PCDH1: variants seen among roughly 807,000 people sequenced by gnomAD.
PCDH1 encodes protocadherin-1.
A neutral mutation model predicts 74.6 loss-of-function variants in PCDH1; 23 were observed. The ratio of observed to expected loss-of-function variants is 0.31; its 90% CI spans 0.22 to 0.44. The LOEUF is 0.44. PCDH1 is among the 20% of genes least tolerant of loss of function. The pLI, the probability that PCDH1 is intolerant of heterozygous loss-of-function variation, is 1.00. For missense variants in PCDH1, 1,214 were observed against 1,641.4 expected (o/e 0.74, Z 4.50); for synonymous variants, 647 against 686.1 (o/e 0.94, Z 0.89).
chr5:141,858,383 G>A (rs1350896996), intron 3 of PCDH1, among the ~76,000 whole-genome samples: 2 of 152,220 alleles, frequency 1.3e-5, no homozygotes, highest in Non-Finnish European at 2.9e-5. Context: ...CTGGACATGG[G>A]GAGAGGGCAT....
chr5:141,869,391 C>T lies in PCDH1; in HGVS notation c.81G>A (p.Arg27=), dbSNP rs774571014. ...GTTGCCCCCCAGGGCCTGGGCTGTG[C>T]CTCAGGTGCTCCATCCTGGGAGGCC... The part of the protein sequence containing the change: ...ILGPPRMEHL[R]HSPGPGGQRL... Residue 27 remains arginine, a synonymous_variant, in exon 2 of 5, where the codon AGG becomes AGA. Coordinates refer to ENST00000287008, the MANE Select transcript of PCDH1 (RefSeq NM_032420.5). The surrounding 1 kb of genome is among the most constrained non-coding windows in gnomAD (Gnocchi z 4.9). 2 of 1,598,084 alleles carry T rather than the reference C, an allele frequency of 1.3e-6. No individual in the cohort carries two copies. Among genetic ancestry groups the T allele is most frequent in the East Asian group, 2.2e-5 (1 of 44,652 alleles).
chr5:141,857,091 G>A (rs548169895), intron 4 of PCDH1, among the ~76,000 whole-genome samples, 161 bp downstream of exon 4: 1 of 152,322 alleles, frequency 6.6e-6, no homozygotes, highest in East Asian at 1.9e-4. Context: ...TCACAGAGTG[G>A]TTCTGGGGAT....
In PCDH1 at chr5:141,854,067, G is replaced by T. The variant is rs140762113; in HGVS notation, c.3689C>A (p.Thr1230Lys). The T allele has an allele frequency of 1.3e-6, 2 of 1,527,516 alleles. No individual in the cohort carries two copies. Among genetic ancestry groups the T allele is most frequent in the Non-Finnish European group, 1.8e-6 (2 of 1,135,908 alleles). The allele number at this position is 1,527,516 out of a possible 1,614,324, so 94.6% of individuals were successfully genotyped here. A position where few individuals can be genotyped will look rare whatever the true frequency, so the allele number is the denominator to read the frequency against. ...TCACAGGTAGATCTCGCGCTTGGCC[G>T]TCTGGGCAGATGCCGGTGTGGCTGC... is the stretch of plus-strand genomic sequence containing the variant. ...PPAATPASAQ[T>K]AKREIYL The change falls in exon 5 of 5, where the codon ACG becomes AAG. Residue 1230 changes from threonine to lysine, a missense_variant. Coordinates refer to ENST00000287008, the MANE Select transcript of PCDH1 (RefSeq NM_032420.5).
At chr5:141,855,293 C>T (rs777583628) in intron 4 of PCDH1, among the ~76,000 whole-genome samples, 21 of 152,016 alleles carry the variant, frequency 1.4e-4, no homozygotes, top group South Asian at 4.2e-4. Context: ...TTCCTTCCAG[C>T]GTCACCTACC....
At chr5:141,876,712 C>T (rs896941732) in intron 1 of PCDH1, among the ~76,000 whole-genome samples, 1 of 152,166 alleles carries the variant, frequency 6.6e-6, no homozygotes, top group Admixed American at 6.5e-5. Flanking sequence ...TGCCCGCGCA[C>T]ACACTGGCCT....
chr5:141,878,231 G>A lies in PCDH1; in HGVS notation c.32C>T (p.Pro11Leu), dbSNP rs1217451982. ...CGCCGCCGGATCCTTACCCGCCTCC[G>A]GGCAGCGCCGGCCGCCCGCCCCGCT... Reference protein sequence around the residue: MDSGAGGRRCPEAALLILGPP... With the variant: MDSGAGGRRCLEAALLILGPP... The change falls in exon 1 of 5, where the codon CCG becomes CTG. Residue 11 changes from proline to leucine, a missense_variant. Coordinates refer to ENST00000287008, the MANE Select transcript of PCDH1 (RefSeq NM_032420.5). This position sits in a 1 kb window ranked among gnomAD's most constrained non-coding sequence, Gnocchi z 5.5. 29 of 1,387,976 alleles carry A rather than the reference G, an allele frequency of 2.1e-5. No homozygotes were observed. The highest frequency in any genetic ancestry group is 5.3e-4 in the Middle Eastern group (2 of 3,808). 86.0% of individuals were successfully genotyped at this position (1,387,976 alleles called of 1,614,324 possible).
chr5:141,877,538 G>A (rs1000470118), intron 1 of PCDH1, among the ~76,000 whole-genome samples: 5 of 152,194 alleles, frequency 3.3e-5, no homozygotes, highest in Admixed American at 2.0e-4. Context: ...GCACGAGATT[G>A]TGTTTGTGTG....
intron 2 of PCDH1, chr5:141,867,642 C>G (rs1031531601): frequency 4.5e-6 from 2 of 445,032 alleles, no homozygotes; most frequent in East Asian, 1.4e-4. Context: ...GGCTGAAACT[C>G]CCACCCATCT....
In PCDH1 at chr5:141,864,422, T is replaced by A. The variant is rs1752719821; in HGVS notation, c.1909A>T (p.Ile637Phe). The change falls in exon 3 of 5, where the codon ATT becomes TTT. Residue 637 changes from isoleucine to phenylalanine, a missense_variant. Physicochemically the swap from Ile to Phe is conservative, Grantham distance 21. This residue lies in a region of PCDH1 where 836 missense variants were observed against 1,182.2 expected (regional missense o/e 0.71). Coordinates refer to ENST00000287008, the MANE Select transcript of PCDH1 (RefSeq NM_032420.5). The surrounding 1 kb of genome is among the most constrained non-coding windows in gnomAD (Gnocchi z 5.9). ...ALSPVGMVTVIDGDKGENAQV... is the reference protein window; with the variant it reads ...ALSPVGMVTVFDGDKGENAQV... ...GCATTCTCCCCCTTGTCTCCATCAA[T>A]GACAGTCACCATGCCCACTGGACTC... 6.2e-7 allele frequency: 1 copy of A among 1,614,056 alleles called. No homozygotes were observed. Among genetic ancestry groups the A allele is most frequent in the African/African-American group, 1.3e-5 (1 of 74,928 alleles).
At chr5:141,860,498 C>CAAAA (rs375427155) in intron 3 of PCDH1, among the ~76,000 whole-genome samples, 1 of 115,230 alleles carries the variant, frequency 8.7e-6, no homozygotes, top group Admixed American at 8.5e-5. Context: ...GACCCTGTCT[C>CAAAA]AAAAAAAAAA....
chr5:141,854,061 T>G lies in PCDH1; in HGVS notation c.3695A>C (p.Lys1232Thr), dbSNP rs1218581828. 6.0e-6 allele frequency: 9 copies of G among 1,506,570 alleles called. No individual in the cohort carries two copies. In the East Asian group the frequency reaches 1.7e-4, roughly 29 times the overall value. 93.3% of individuals were successfully genotyped at this position (1,506,570 alleles called of 1,614,324 possible). Residue 1232 changes from lysine to threonine, a missense_variant, in exon 5 of 5, where the codon AAG becomes ACG. Transcript: ENST00000287008. ...GGGGGCTCACAGGTAGATCTCGCGCTTGGCCGTCTGGGCAGATGCCGGTGT... is the reference window on the plus strand; with the variant it reads ...GGGGGCTCACAGGTAGATCTCGCGCGTGGCCGTCTGGGCAGATGCCGGTGT... ...AATPASAQTA[K>T]REIYL
Position 141,856,207 on chromosome 5 carries a change from G to C in PCDH1, c.3319+1045C>G, listed in dbSNP as rs1215586870. The C allele has an allele frequency of 3.1e-5, 47 of 1,535,410 alleles. No homozygotes were observed. In the Middle Eastern group the frequency reaches 8.3e-4, roughly 27 times the overall value. On this transcript the variant is annotated intron_variant, in intron 4 of 4. Transcript: ENST00000287008. The stretch of plus-strand genomic sequence containing the variant: ...AGAGTCCCACAGACCCCAGACCCCA[G>C]AGCAGTTCCCACATACCTGGCACTC...
chr5:141,864,395 G>C lies in PCDH1; in HGVS notation c.1936C>G (p.Gln646Glu). The change falls in exon 3 of 5, where the codon CAG becomes GAG. Residue 646 changes from glutamine (Q) to glutamate (E), a missense_variant. Physicochemically the swap from Gln to Glu is conservative, Grantham distance 29. This residue lies in a region of PCDH1 where 836 missense variants were observed against 1,182.2 expected (regional missense o/e 0.71). Coordinates refer to ENST00000287008, the MANE Select transcript of PCDH1 (RefSeq NM_032420.5). The surrounding 1 kb of genome is among the most constrained non-coding windows in gnomAD (Gnocchi z 5.9). ...TCCTGCTCCACTGAGAGCTGCACCT[G>C]GGCATTCTCCCCCTTGTCTCCATCA... ...VIDGDKGENAQVQLSVEQDNG... is the reference protein window; with the variant it reads ...VIDGDKGENAEVQLSVEQDNG... 1 of 1,614,034 alleles carries C rather than the reference G, an allele frequency of 6.2e-7. No homozygotes were observed. The highest frequency in any genetic ancestry group is 2.2e-5 in the East Asian group (1 of 44,870).
chr5:141,862,485 A>C (rs538515876), intron 3 of PCDH1, among the ~76,000 whole-genome samples: 18 of 152,170 alleles, frequency 1.2e-4, no homozygotes, highest in African/African-American at 4.3e-4. Context: ...ATGGGGGTGG[A>C]TGGCAAGATG....
chr5:141,864,508 T>C lies in PCDH1; in HGVS notation c.1823A>G (p.Asn608Ser). The C allele has an allele frequency of 1.2e-6, 2 of 1,614,160 alleles. No individual in the cohort carries two copies. Among genetic ancestry groups the C allele is most frequent in the Non-Finnish European group, 1.7e-6 (2 of 1,180,022 alleles). The change falls in exon 3 of 5, where the codon AAT becomes AGT. Residue 608 changes from asparagine (N) to serine (S), a missense_variant. By Grantham distance (46) the Asn-to-Ser change is conservative. Around this residue, in one of 4 missense-constraint regions of PCDH1, gnomAD observed 836 missense variants for 1,182.2 expected, o/e 0.71. Transcript: ENST00000287008. The surrounding 1 kb of genome is among the most constrained non-coding windows in gnomAD (Gnocchi z 5.9). ...VLVNVLDCND[N>S]DPKFMLSGYN... is the part of the protein sequence containing the mutation. Reference sequence around the variant, plus strand: ...GCCACTCAGCATAAATTTGGGGTCATTGTCATTGCAGTCCAGCACATTGAC... The same window carrying C: ...GCCACTCAGCATAAATTTGGGGTCACTGTCATTGCAGTCCAGCACATTGAC...
intron 3 of PCDH1, among the ~76,000 whole-genome samples, chr5:141,861,115 C>CAAAAAAAAA (rs59007688): frequency 2.3e-4 from 14 of 61,926 alleles, no homozygotes; most frequent in Non-Finnish European, 3.1e-4. Context: ...AACTCCATCT[C>CAAAAAAAAA]AAAAAAAAAA....
chr5:141,859,681 A>C (rs1032205282), intron 3 of PCDH1, among the ~76,000 whole-genome samples: 2 of 152,036 alleles, frequency 1.3e-5, no homozygotes, highest in African/African-American at 4.8e-5. Context: ...TATCCCTTGA[A>C]TCCTGTGGGT....
chr5:141,858,429 G>A (rs925226251), intron 3 of PCDH1, among the ~76,000 whole-genome samples: 2 of 152,218 alleles, frequency 1.3e-5, no homozygotes, highest in African/African-American at 2.4e-5. Flanking sequence ...TGGTCTCAAA[G>A]GGAGACTCCT....
chr5:141,866,593 A>G (rs1404925617), intron 2 of PCDH1, among the ~76,000 whole-genome samples: 1 of 152,134 alleles, frequency 6.6e-6, no homozygotes. Context: ...AAAACAGAAG[A>G]GTCCTGGGTT....
Sources: allele counts gnomAD v4.1 joint callset (sites outside exome capture counted in the v4.1 genomes callset), GRCh38; gene constraint gnomAD v4.1.1; regional missense constraint gnomAD v4.1.1; non-coding constraint Gnocchi (gnomAD v3.1); transcripts MANE v1.5; gene names NCBI Gene and HGNC (gene_info 2026-07-23, HGNC 2026-07-21).